Variants in TMPRSS5 observed in about 807,000 individuals in gnomAD.
TMPRSS5 encodes the protein transmembrane protease serine 5.
A neutral mutation model predicts 59.7 loss-of-function variants in TMPRSS5; 45 were observed. The ratio of observed to expected loss-of-function variants is 0.75; its 90% CI spans 0.59 to 0.97. TMPRSS5 has a LOEUF of 0.97. TMPRSS5 is among the 50% of genes least tolerant of loss of function. The probability of loss-of-function intolerance (pLI) is 0.00; values close to 1 mark genes in which losing one functional copy is unlikely to be tolerated. For missense variants in TMPRSS5, 585 were observed against 596.7 expected, an observed-to-expected ratio of 0.98 and a Z score of 0.20; for synonymous variants, 225 against 232.0, an observed-to-expected ratio of 0.97 and a Z score of 0.27.
rs924787502 is a variant in TMPRSS5, at chr11:113,694,549, G to T, written c.714C>A (p.Gly238=). The change falls in exon 8 of 13, where the codon GGC becomes GGA. Residue 238 remains glycine (G), a synonymous_variant. Transcript: ENST00000299882. ...CAGAGCCCCCACACGTGTGCCGGAA[G>T]CCCAGGGCCACGCTGGCCTGCCACG... ...RWPWQASVAL[G]FRHTCGGSVL... 1 of 1,555,696 alleles carries T rather than the reference G, an allele frequency of 6.4e-7. No individual in the cohort carries two copies. The highest frequency in any genetic ancestry group is 8.7e-7 in the Non-Finnish European group (1 of 1,149,756).
At chr11:113,699,852 G>A in intron 2 of TMPRSS5, 159 bp from the exon 3 acceptor site, 1 of 1,416,608 alleles carries the variant, frequency 7.1e-7, no homozygotes, top group Non-Finnish European at 9.6e-7. Context: ...GGGGGCAGGG[G>A]AGGATGGAGA....
chr11:113,699,245 CTCTCTCTCTCTCTCT>C (rs1953032372), intron 3 of TMPRSS5, among the ~76,000 whole-genome samples: 2 of 84,822 alleles, frequency 2.4e-5, no homozygotes, highest in East Asian at 3.9e-4. Flanking sequence ...CTCTCTCTCT[CTCTCTCTCTCTCTCT>C]CTCTCTCTCT....
intron 1 of TMPRSS5, among the ~76,000 whole-genome samples, chr11:113,700,526 C>A (rs1193712700): frequency 6.6e-6 from 1 of 152,166 alleles, no homozygotes; most frequent in African/African-American, 2.4e-5. Flanking sequence ...AAGATCCCAC[C>A]CTTCTTCATT....
chr11:113,693,156 C>T lies in TMPRSS5; in HGVS notation c.879G>A (p.Arg293=). The T allele has an allele frequency of 6.2e-7, 1 of 1,601,442 alleles. No individual in the cohort carries two copies. Among genetic ancestry groups the T allele is most frequent in the Non-Finnish European group, 8.5e-7 (1 of 1,174,252 alleles). The change falls in exon 9 of 13, where the codon AGG becomes AGA. Residue 293 remains arginine, a synonymous_variant. Transcript: ENST00000299882. ...CACTGTAGAGGGGGTGTGGGATAAT[C>T]CTCTCCACCAGAGCCCCTTGGTGGG... ...VRPHQGALVE[R]IIPHPLYSAQ...
chr11:113,689,733 T>A, intron 12 of TMPRSS5, 32 bp downstream of exon 12: 1 of 1,596,258 alleles, frequency 6.3e-7, no homozygotes, highest in Non-Finnish European at 8.5e-7. Context: ...CCTTTAGAAA[T>A]CTCCCTGCCC....
intron 12 of TMPRSS5, among the ~76,000 whole-genome samples, chr11:113,689,563 C>G (rs1374946030): frequency 6.6e-6 from 1 of 152,128 alleles, no homozygotes; most frequent in Non-Finnish European, 1.5e-5. Flanking sequence ...CAGGCATACT[C>G]TTACCCAGTT....
chr11:113,698,758 A>T, intron 4 of TMPRSS5, 147 bp downstream of exon 4: 1 of 911,004 alleles, frequency 1.1e-6, no homozygotes, highest in Non-Finnish European at 1.7e-6. Context: ...CTGCAAGGTG[A>T]CACCTTGTCA....
intron 12 of TMPRSS5, among the ~76,000 whole-genome samples, chr11:113,688,850 C>T (rs1189387407): frequency 2.0e-5 from 3 of 152,126 alleles, no homozygotes; most frequent in Non-Finnish European, 4.4e-5. Context: ...CGTGAGCCAC[C>T]CCACCCGACC....
intron 6 of TMPRSS5, 116 bp from the exon 7 acceptor site, chr11:113,695,559 G>T: frequency 1.0e-6 from 1 of 991,538 alleles, no homozygotes. Context: ...TCTTAAGGCT[G>T]TCATGTAGCC....
At chr11:113,694,408 C>A (rs1952867467) in intron 8 of TMPRSS5, 70 bp downstream of exon 8, 2 of 1,503,716 alleles carry the variant, frequency 1.3e-6, no homozygotes, top group Admixed American at 2.0e-5. Context: ...ACATTTGATA[C>A]AGGACATACC....
intron 1 of TMPRSS5, among the ~76,000 whole-genome samples, chr11:113,705,477 T>C (rs1179033202): frequency 6.6e-6 from 1 of 152,160 alleles, no homozygotes; most frequent in Admixed American, 6.5e-5. Context: ...CCAGGACCTA[T>C]AGGACTGGAC....
At chr11:113,704,913 T>C (rs540351892) in intron 1 of TMPRSS5, among the ~76,000 whole-genome samples, 1 of 150,058 alleles carries the variant, frequency 6.7e-6, no homozygotes, top group South Asian at 2.2e-4. Flanking sequence ...GAGGTACAAA[T>C]AAGATAATGT....
chr11:113,700,218 G>A, intron 1 of TMPRSS5, 50 bp from the exon 2 acceptor site: 1 of 1,445,572 alleles, frequency 6.9e-7, no homozygotes, highest in Non-Finnish European at 9.2e-7. Flanking sequence ...AAGGACTGCT[G>A]AGAGAAGTCA....
At chr11:113,692,426 CTA>C (rs1481933236) in intron 9 of TMPRSS5, among the ~76,000 whole-genome samples, 3 of 152,248 alleles carry the variant, frequency 2.0e-5, no homozygotes, top group South Asian at 2.1e-4. Context: ...ACGTGTGAGT[CTA>C]TGTGCACATG....
intron 12 of TMPRSS5, 126 bp from the exon 13 acceptor site, chr11:113,688,400 T>G (rs1952664464): frequency 1.5e-6 from 1 of 670,168 alleles, no homozygotes. Context: ...AGGCTAAAAA[T>G]ATCTGCTGCT....
intron 8 of TMPRSS5, chr11:113,693,466 C>CCTG: frequency 4.2e-6 from 2 of 474,096 alleles, no homozygotes; most frequent in Non-Finnish European, 7.4e-6. Context: ...TGCTGCAGGA[C>CCTG]TGATGGATAG....
Position 113,699,717 on chromosome 11 carries a change from T to G in TMPRSS5, c.107-24A>C, listed in dbSNP as rs370408830. On this transcript the variant is annotated intron_variant, in intron 2 of 12. Coordinates refer to ENST00000299882, the MANE Select transcript of TMPRSS5 (RefSeq NM_030770.4). Reference sequence around the variant, plus strand: ...AACTGTGGGAAAGGGCAGAGGGGTATCTGGGTCCCCTGCTCCTGCCAGCCT... The same window carrying G: ...AACTGTGGGAAAGGGCAGAGGGGTAGCTGGGTCCCCTGCTCCTGCCAGCCT... 2.5e-5 allele frequency: 39 copies of G among 1,551,454 alleles called. No individual in the cohort carries two copies. In the African/African-American group the frequency reaches 3.3e-4, roughly 13 times the overall value.
intron 2 of TMPRSS5, 96 bp downstream of exon 2, chr11:113,699,970 A>G: frequency 1.3e-6 from 2 of 1,546,130 alleles, no homozygotes; most frequent in Non-Finnish European, 1.7e-6. Flanking sequence ...ACCATCAATC[A>G]TGTGGGGCTG....
At chr11:113,688,359 G>A in intron 12 of TMPRSS5, 85 bp from the exon 13 acceptor site, 1 of 912,134 alleles carries the variant, frequency 1.1e-6, no homozygotes, top group Non-Finnish European at 1.7e-6. Flanking sequence ...ACTTAACCAT[G>A]CAGGGCCTTG....
Sources: allele counts gnomAD v4.1 joint callset (sites outside exome capture counted in the v4.1 genomes callset), GRCh38; gene constraint gnomAD v4.1.1; transcripts MANE v1.5; gene names NCBI Gene and HGNC (gene_info 2026-07-23, HGNC 2026-07-21).